The following PACSIN1 variants were observed in gnomAD, a reference collection of about 807,000 sequenced individuals.
The protein encoded by PACSIN1 is protein kinase C and casein kinase substrate in neurons protein 1.
PACSIN1 carries 15 observed loss-of-function variants against 59.5 expected under a neutral mutation model. The ratio of observed to expected loss-of-function variants is 0.25; its 90% CI spans 0.17 to 0.39. The LOEUF (loss-of-function observed/expected upper bound fraction) is 0.39. Among genes scored for constraint, PACSIN1 ranks in the 10% least tolerant of loss-of-function variants. The pLI is 1.00. For synonymous variants in PACSIN1, 210 were observed against 220.6 expected (o/e 0.95, Z 0.42); for missense variants, 420 against 580.2 (o/e 0.72, Z 2.84).
chr6:34,531,568 C>A lies in PACSIN1; in HGVS notation c.1038-32C>A. On this transcript the variant is annotated intron_variant, in intron 8 of 9. Transcript: ENST00000244458. This position sits in a 1 kb window ranked among gnomAD's most constrained non-coding sequence, Gnocchi z 4.4. ...GCCCTCGGGATGCGGTACGGGGAGA[C>A]ATTGAAGCTGGCTCCTTCCTCCGCG... is the stretch of plus-strand genomic sequence containing the variant. 1 of 1,608,368 alleles carries A rather than the reference C, an allele frequency of 6.2e-7. No individual in the cohort carries two copies. The highest frequency in any genetic ancestry group is 8.5e-7 in the Non-Finnish European group (1 of 1,176,342).
intron 2 of PACSIN1, among the ~76,000 whole-genome samples, chr6:34,526,650 G>A (rs562720403): frequency 6.6e-6 from 1 of 152,210 alleles, no homozygotes; most frequent in Non-Finnish European, 1.5e-5. Context: ...CTTCCATCAG[G>A]CAGGTACAGC....
chr6:34,474,749 C>T (rs1351167189), intron 1 of PACSIN1, among the ~76,000 whole-genome samples: 2 of 144,878 alleles, frequency 1.4e-5, no homozygotes, highest in Non-Finnish European at 3.0e-5. Flanking sequence ...GAGATCATAC[C>T]ACTGCATCCA....
rs187776923 is a variant in PACSIN1, at chr6:34,526,936, G to A, written c.64-396G>A. 2.0e-5 allele frequency among the ~76,000 whole-genome samples: 3 copies of A among 152,320 alleles called. No homozygotes were observed. In the East Asian group the frequency reaches 5.8e-4, roughly 29 times the overall value. Reference sequence around the variant, plus strand: ...AGATGTCGACAAAACATAATATTATGTCAAGAAGCTGCAGCTCAACTCAAC... The same window carrying A: ...AGATGTCGACAAAACATAATATTATATCAAGAAGCTGCAGCTCAACTCAAC... On this transcript the variant is annotated intron_variant, in intron 2 of 9. Transcript: ENST00000244458.
intron 1 of PACSIN1, among the ~76,000 whole-genome samples, chr6:34,478,573 A>C (rs1268366652): frequency 1.3e-5 from 2 of 149,934 alleles, no homozygotes; most frequent in African/African-American, 4.9e-5. Context: ...GGGTTTCACT[A>C]TGTTGGTCAG....
chr6:34,474,563 G>A (rs1377960468), intron 1 of PACSIN1, among the ~76,000 whole-genome samples: 3 of 152,112 alleles, frequency 2.0e-5, no homozygotes, highest in African/African-American at 7.2e-5. Flanking sequence ...GCCGAGGCAG[G>A]TGGATCACCT....
At position 34,525,449 on chromosome 6, in the gene PACSIN1, G is replaced by A. The variant is rs1561969909; in HGVS notation, c.-63-794G>A. On this transcript the variant is annotated intron_variant, in intron 1 of 9. Transcript: ENST00000244458. This position sits in a 1 kb window ranked among gnomAD's most constrained non-coding sequence, Gnocchi z 4.9. ...CCAGCCTTCCCTGAGCATCCACACT[G>A]TCAGGGTTCACAGTCCTGGGACTGC... is the stretch of plus-strand genomic sequence containing the variant. 6.6e-6 allele frequency among the ~76,000 whole-genome samples: 1 copy of A among 152,258 alleles called. No individual in the cohort carries two copies. The highest frequency in any genetic ancestry group is 1.5e-5 in the Non-Finnish European group (1 of 68,032).
chr6:34,479,012 A>G (rs1177509882), intron 1 of PACSIN1, among the ~76,000 whole-genome samples: 1 of 152,160 alleles, frequency 6.6e-6, no homozygotes, highest in Non-Finnish European at 1.5e-5. Context: ...GGCTGGGCTC[A>G]CTTTATAACA....
At chr6:34,520,024 C>T (rs1198846461) in intron 1 of PACSIN1, among the ~76,000 whole-genome samples, 1 of 151,944 alleles carries the variant, frequency 6.6e-6, no homozygotes, top group Non-Finnish European at 1.5e-5. Flanking sequence ...GGGAAGACTT[C>T]TTGGAGGGAC....
chr6:34,513,674 C>G (rs1767240342), intron 1 of PACSIN1, among the ~76,000 whole-genome samples: 1 of 151,890 alleles, frequency 6.6e-6, no homozygotes, highest in African/African-American at 2.4e-5. Context: ...TATGTGTGAG[C>G]CCCCTAGGCT....
chr6:34,509,528 A>G (rs1333315875), intron 1 of PACSIN1, among the ~76,000 whole-genome samples: 1 of 152,054 alleles, frequency 6.6e-6, no homozygotes, highest in Non-Finnish European at 1.5e-5. Flanking sequence ...GTTCTTCTCA[A>G]TATTTTTTGG....
intron 2 of PACSIN1, 98 bp from the exon 3 acceptor site, chr6:34,527,234 C>T: frequency 8.7e-7 from 1 of 1,144,568 alleles, no homozygotes; most frequent in Non-Finnish European, 1.1e-6. Flanking sequence ...AGCGGGGAGG[C>T]GGGGCGGAAG....
At chr6:34,474,846 G>A (rs373929810) in intron 1 of PACSIN1, among the ~76,000 whole-genome samples, 5 of 147,598 alleles carry the variant, frequency 3.4e-5, no homozygotes, top group African/African-American at 1.3e-4. Flanking sequence ...CATGTGATCC[G>A]GCTGCCCAAT....
chr6:34,469,021 A>C (rs1766535382), intron 1 of PACSIN1, among the ~76,000 whole-genome samples: 1 of 151,990 alleles, frequency 6.6e-6, no homozygotes, highest in Non-Finnish European at 1.5e-5. Flanking sequence ...CCACAGCAAG[A>C]ATGAGTTGGT....
chr6:34,530,310 T>C lies in PACSIN1; in HGVS notation c.856T>C (p.Trp286Arg). Residue 286 changes from tryptophan to arginine, a missense_variant, in exon 7 of 10, where the codon TGG becomes CGG. Coordinates refer to ENST00000244458, the MANE Select transcript of PACSIN1 (RefSeq NM_020804.5). This position sits in a 1 kb window ranked among gnomAD's most constrained non-coding sequence, Gnocchi z 4.4. Reference protein sequence around the residue: ...RGADAQEDLRWFRSTSGPGMP... With the variant: ...RGADAQEDLRRFRSTSGPGMP... ...GGCTGATGCCCAGGAAGACCTCAGA[T>C]GGTTCCGCAGCACCAGTGGCCCCGG... The C allele has an allele frequency of 6.2e-7, 1 of 1,614,040 alleles. No homozygotes were observed.
At chr6:34,496,538 C>T (rs916359287) in intron 1 of PACSIN1, among the ~76,000 whole-genome samples, 3 of 152,248 alleles carry the variant, frequency 2.0e-5, no homozygotes, top group Non-Finnish European at 4.4e-5. Context: ...TGGCTGGAGA[C>T]GGGAGAGGCA....
chr6:34,516,031 T>G lies in PACSIN1; in HGVS notation c.-63-10212T>G, dbSNP rs1253264059. ...TTGCCCTGAATGGAGCTGAGCCACC[T>G]TGGGTGGCATAGGGAGGAGATGCTA... On this transcript the variant is annotated intron_variant, in intron 1 of 9. Transcript: ENST00000244458. The surrounding 1 kb of genome is among the most constrained non-coding windows in gnomAD (Gnocchi z 5.4). Among the ~76,000 whole-genome samples the G allele has an allele frequency of 6.6e-6, 1 of 152,066 alleles. No homozygotes were observed. The highest frequency in any genetic ancestry group is 1.9e-4 in the East Asian group (1 of 5,182).
chr6:34,528,912 T>TGGCCCGGGGGGGGGGGGGGGGG, intron 4 of PACSIN1, 35 bp downstream of exon 4: 1 of 464,336 alleles, frequency 2.2e-6, no homozygotes, highest in Non-Finnish European at 4.2e-6. Context: ...CGGGGTGGGG[T>TGGCCCGGGGGGGGGGGGGGGGG]GGGCCCGTCT....
rs574895126 is a variant in PACSIN1, at chr6:34,521,717, G to A, written c.-63-4526G>A. Among the ~76,000 whole-genome samples, 3 of 152,138 alleles carry A rather than the reference G, an allele frequency of 2.0e-5. No homozygotes were observed. The highest frequency in any genetic ancestry group is 1.9e-4 in the East Asian group (1 of 5,184). ...GAGCTGTTGCTCCACTACAGGCAAC[G>A]GCGGTGGTGGATGGATAGTAAGCGC... On this transcript the variant is annotated intron_variant, in intron 1 of 9. Transcript: ENST00000244458. The surrounding 1 kb of genome is among the most constrained non-coding windows in gnomAD (Gnocchi z 4.3).
chr6:34,492,571 G>A lies in PACSIN1; in HGVS notation c.-64+26301G>A, dbSNP rs190647096. Among the ~76,000 whole-genome samples the A allele has an allele frequency of 8.4e-3, 1,279 of 152,162 alleles. 13 individuals are homozygous for A. The highest frequency in any genetic ancestry group is 0.012 in the Non-Finnish European group (786 of 68,012). ...GCTAATTTTGTATTTTTGTAGACAT[G>A]GGGTTTTGCCATGTTGGTCAGGCTG... is the stretch of plus-strand genomic sequence containing the variant. On this transcript the variant is annotated intron_variant, in intron 1 of 9. Coordinates refer to ENST00000244458, the MANE Select transcript of PACSIN1 (RefSeq NM_020804.5).
Sources: allele counts gnomAD v4.1 joint callset (sites outside exome capture counted in the v4.1 genomes callset), GRCh38; gene constraint gnomAD v4.1.1; non-coding constraint Gnocchi (gnomAD v3.1); transcripts MANE v1.5; gene names NCBI Gene and HGNC (gene_info 2026-07-23, HGNC 2026-07-21).